Variants in HTR2C observed in about 807,000 individuals in gnomAD.
HTR2C encodes 5-hydroxytryptamine (serotonin) receptor 2C, G protein-coupled.
In HTR2C, 5 loss-of-function variants were observed where a neutral mutation model predicts 21.0. The observed-to-expected ratio is 0.24, with a 90% CI of 0.12 to 0.50. The LOEUF (loss-of-function observed/expected upper bound fraction) is 0.50. Ranked by LOEUF, HTR2C falls within the 20% of genes least tolerant of loss-of-function variation. The probability of loss-of-function intolerance (pLI) is 0.98; values close to 1 mark genes in which losing one functional copy is unlikely to be tolerated. For missense variants in HTR2C, 271 were observed against 371.2 expected, an observed-to-expected ratio of 0.73 and a Z score of 2.22; for synonymous variants, 150 against 145.3, an observed-to-expected ratio of 1.03 and a Z score of -0.23.
At position 114,694,488 on chromosome X, in the gene HTR2C, T is replaced by TACAC. The variant is rs1932211281; in HGVS notation, c.-79-32369_-79-32368insCACA. On this transcript the variant is annotated intron_variant, in intron 2 of 5. Coordinates refer to ENST00000276198, the MANE Select transcript of HTR2C (RefSeq NM_000868.4). ...ATATATATATATATATATATATATA[T>TACAC]ATATACACACACAGATTTAGACAGA... Among the ~76,000 whole-genome samples the TACAC allele has an allele frequency of 2.8e-3, 32 of 11,561 alleles. 1 individual carries two copies. The highest frequency in any genetic ancestry group is 8.3e-3 in the African/African-American group (31 of 3,734). The allele number at this position is 11,561 out of a possible 115,157, so 10.0% of individuals were successfully genotyped here. A position where few individuals can be genotyped will look rare whatever the true frequency, so the allele number is the denominator to read the frequency against.
chrX:114,664,401 G>A (rs782467154), intron 2 of HTR2C, among the ~76,000 whole-genome samples: 16 of 111,407 alleles, frequency 1.4e-4, no homozygotes, highest in Non-Finnish European at 3.0e-4. Context: ...TCCAGTGTGT[G>A]TTGTTTCCAC....
chrX:114,902,547 C>T (rs1326160240), intron 5 of HTR2C, among the ~76,000 whole-genome samples: 9 of 111,318 alleles, frequency 8.1e-5, no homozygotes, highest in African/African-American at 2.6e-4. Flanking sequence ...AAACTATAAT[C>T]TCCAAAACAA....
intron 2 of HTR2C, among the ~76,000 whole-genome samples, chrX:114,719,174 A>C (rs2147329012): frequency 9.2e-6 from 1 of 109,078 alleles, no homozygotes; most frequent in East Asian, 2.8e-4. Context: ...TGATTTTAAA[A>C]AAATTTTACA....
At chrX:114,812,575 C>T (rs1211259422) in intron 4 of HTR2C, among the ~76,000 whole-genome samples, 1 of 109,878 alleles carries the variant, frequency 9.1e-6, no homozygotes, top group Non-Finnish European at 1.9e-5. Context: ...ACTAAAACTA[C>T]GAAAATTAGC....
At chrX:114,669,598 G>C (rs928777079) in intron 2 of HTR2C, among the ~76,000 whole-genome samples, 5 of 111,704 alleles carry the variant, frequency 4.5e-5, no homozygotes, top group Non-Finnish European at 7.5e-5. Flanking sequence ...AGGAGGCTGA[G>C]GCAGGAAAAT....
chrX:114,675,951 C>A (rs2147851681), intron 2 of HTR2C, among the ~76,000 whole-genome samples: 1 of 104,968 alleles, frequency 9.5e-6, no homozygotes, highest in African/African-American at 3.4e-5. Context: ...CTCACTGCAA[C>A]CTCCGCCTCC....
At chrX:114,767,808 A>G (rs1160857061) in intron 4 of HTR2C, among the ~76,000 whole-genome samples, 1 of 109,531 alleles carries the variant, frequency 9.1e-6, no homozygotes, top group Non-Finnish European at 1.9e-5. Flanking sequence ...CTTGTGATGG[A>G]AGAAAATGAA....
At chrX:114,904,890 C>CT (rs35923049) in intron 5 of HTR2C, among the ~76,000 whole-genome samples, 1,008 of 100,252 alleles carry the variant, frequency 0.01, 9 homozygotes, top group African/African-American at 0.035. Flanking sequence ...TTCTTAACTG[C>CT]TTTTTTTTTT....
chrX:114,604,580 G>T (rs1266241758), intron 1 of HTR2C, among the ~76,000 whole-genome samples: 3 of 111,055 alleles, frequency 2.7e-5, no homozygotes, highest in African/African-American at 9.8e-5. Flanking sequence ...GCTAATCCGA[G>T]AAGATCTGGG....
intron 2 of HTR2C, among the ~76,000 whole-genome samples, chrX:114,697,819 A>T (rs1225893892): frequency 8.9e-6 from 1 of 112,353 alleles, no homozygotes; most frequent in Non-Finnish European, 1.9e-5. Flanking sequence ...TGCCAAAAAA[A>T]CCTAGTAGCT....
intron 5 of HTR2C, among the ~76,000 whole-genome samples, chrX:114,898,469 C>T (rs2071313167): frequency 9.0e-6 from 1 of 111,395 alleles, no homozygotes; most frequent in South Asian, 3.7e-4. Flanking sequence ...AAATCTTTGC[C>T]CATGTCTATA....
chrX:114,715,349 G>T (rs782747508), intron 2 of HTR2C: 1 of 382,978 alleles, frequency 2.6e-6, no homozygotes, highest in Non-Finnish European at 5.2e-6. Flanking sequence ...GACTCAGCTG[G>T]AACCCTCCAC....
intron 5 of HTR2C, among the ~76,000 whole-genome samples, chrX:114,893,916 A>C (rs1241232509): frequency 8.9e-6 from 1 of 112,159 alleles, no homozygotes; most frequent in South Asian, 3.7e-4. Context: ...AATGGCAGTA[A>C]GTATATGAGA....
At chrX:114,806,626 A>G (rs1486010430) in intron 4 of HTR2C, among the ~76,000 whole-genome samples, 1 of 98,795 alleles carries the variant, frequency 1.0e-5, no homozygotes, top group Non-Finnish European at 2.0e-5. Context: ...CACCATATAT[A>G]TACCATATAT....
chrX:114,616,187 T>C (rs1470566135), intron 2 of HTR2C, among the ~76,000 whole-genome samples: 1 of 111,659 alleles, frequency 9.0e-6, no homozygotes, highest in Non-Finnish European at 1.9e-5. Context: ...AAGAGTTTTA[T>C]TGTAATGTGT....
chrX:114,907,053 A>G lies in HTR2C; in HGVS notation c.1015A>G (p.Lys339Glu). The change falls in exon 6 of 6, where the codon AAG becomes GAG. Residue 339 changes from lysine to glutamate, a missense_variant. Transcript: ENST00000276198. The stretch of plus-strand genomic sequence containing the variant: ...CAATATTCTGTCTGTTCTTTGTGAG[A>G]AGTCCTGTAACCAAAAGCTCATGGA... Reference protein sequence around the residue: ...ITNILSVLCEKSCNQKLMEKL... With the variant: ...ITNILSVLCEESCNQKLMEKL... 1 of 1,210,183 alleles carries G rather than the reference A, an allele frequency of 8.3e-7. No individual in the cohort carries two copies. The highest frequency in any genetic ancestry group is 1.1e-6 in the Non-Finnish European group (1 of 894,284).
At chrX:114,784,681 G>A (rs1556441598) in intron 4 of HTR2C, among the ~76,000 whole-genome samples, 2 of 107,033 alleles carry the variant, frequency 1.9e-5, no homozygotes, top group Non-Finnish European at 1.9e-5. Flanking sequence ...GTGCAGTGGC[G>A]CGATCTCAGC....
chrX:114,674,987 G>A (rs1931501979), intron 2 of HTR2C, among the ~76,000 whole-genome samples: 1 of 112,455 alleles, frequency 8.9e-6, no homozygotes, highest in Non-Finnish European at 1.9e-5. Context: ...AAATACGGAA[G>A]TATAGTTAAT....
intron 5 of HTR2C, chrX:114,900,278 GAAAC>G: frequency 6.4e-6 from 1 of 155,757 alleles, no homozygotes; most frequent in Non-Finnish European, 1.3e-5. Flanking sequence ...AAGGCTAATT[GAAAC>G]AAACAGTTCT....
Sources: gnomAD v4.1 joint callset for allele counts (sites outside exome capture counted in the v4.1 genomes callset) on GRCh38, gnomAD v4.1.1 for gene constraint, MANE v1.5 for transcripts, NCBI Gene and HGNC (gene_info 2026-07-23, HGNC 2026-07-21) for gene names.